The following SNTG1 variants were observed in gnomAD, a reference collection of about 807,000 sequenced individuals.
SNTG1 encodes syntrophin gamma 1, also known as gamma-1-syntrophin.
Under a neutral mutation model 74.7 loss-of-function variants are expected in SNTG1, and 39 were observed. The observed-to-expected ratio is 0.52, with a 90% CI of 0.40 to 0.68. The LOEUF is 0.68. Ranked by LOEUF, SNTG1 falls within the 30% of genes least tolerant of loss-of-function variation. SNTG1 has a pLI of 0.00. For synonymous variants in SNTG1, 254 were observed against 217.1 expected (o/e 1.17, Z -1.49); for missense variants, 685 against 609.5 (o/e 1.12, Z -1.30).
intron 1 of SNTG1, among the ~76,000 whole-genome samples, chr8:49,956,849 G>A (rs961453857): frequency 7.2e-5 from 11 of 152,108 alleles, no homozygotes; most frequent in African/African-American, 2.7e-4. Flanking sequence ...GGGTAATTCA[G>A]TCTCTCTCTT....
intron 4 of SNTG1, among the ~76,000 whole-genome samples, chr8:50,424,042 C>G (rs1404835681): frequency 6.6e-6 from 1 of 152,062 alleles, no homozygotes; most frequent in Non-Finnish European, 1.5e-5. Context: ...TTGTCATAGA[C>G]CAAAGACCCT....
chr8:50,368,606 G>T (rs571705984), intron 2 of SNTG1, among the ~76,000 whole-genome samples: 2 of 152,110 alleles, frequency 1.3e-5, no homozygotes, highest in Non-Finnish European at 2.9e-5. Flanking sequence ...GATCCGGCCC[G>T]TTTGAACTGA....
rs1563942141 is a variant in SNTG1 at position 50,361,684 on chromosome 8, G to A, written c.-27-32528G>A. Among the ~76,000 whole-genome samples the A allele has an allele frequency of 3.3e-5, 5 of 151,900 alleles. No homozygotes were observed. In the South Asian group the frequency reaches 1.0e-3, roughly 31 times the overall value. On this transcript the variant is annotated intron_variant, in intron 2 of 18. Transcript: ENST00000642720. Reference sequence around the variant, plus strand: ...GAATTTTTTTTGGGGGAGGTCACTGGGCAATAGAAATTTTTCAGTTCCTTT... The same window carrying A: ...GAATTTTTTTTGGGGGAGGTCACTGAGCAATAGAAATTTTTCAGTTCCTTT...
chr8:50,198,941 G>C (rs1420826456), intron 2 of SNTG1, among the ~76,000 whole-genome samples: 1 of 152,226 alleles, frequency 6.6e-6, no homozygotes, highest in Non-Finnish European at 1.5e-5. Context: ...TGGTCACACT[G>C]TTTTTATTTT....
intron 1 of SNTG1, among the ~76,000 whole-genome samples, chr8:49,990,561 A>G (rs997847248): frequency 6.6e-6 from 1 of 152,128 alleles, no homozygotes; most frequent in Non-Finnish European, 1.5e-5. Context: ...TACATAATGT[A>G]TTACAAAACT....
intron 1 of SNTG1, among the ~76,000 whole-genome samples, chr8:49,992,662 CA>C (rs1415852672): frequency 3.3e-5 from 5 of 152,158 alleles, no homozygotes; most frequent in African/African-American, 1.2e-4. Context: ...TAGTGCCTAC[CA>C]TCAGCAGAAA....
chr8:50,558,718 A>G (rs2094470631), intron 12 of SNTG1, among the ~76,000 whole-genome samples: 1 of 152,034 alleles, frequency 6.6e-6, no homozygotes, highest in Non-Finnish European at 1.5e-5. Flanking sequence ...AAACAACTAC[A>G]TGATATTTGT....
intron 2 of SNTG1, among the ~76,000 whole-genome samples, chr8:50,212,953 G>A (rs368246669): frequency 2.6e-4 from 40 of 152,278 alleles, no homozygotes; most frequent in African/African-American, 8.2e-4. Flanking sequence ...CTGCCTATGC[G>A]ATGGCAAACA....
chr8:50,146,005 A>T (rs1464879122), intron 1 of SNTG1, among the ~76,000 whole-genome samples: 2 of 151,932 alleles, frequency 1.3e-5, no homozygotes, highest in East Asian at 3.9e-4. Flanking sequence ...GGAAACTTGT[A>T]GAAATATAGC....
At chr8:49,995,203 G>A (rs1167558834) in intron 1 of SNTG1, among the ~76,000 whole-genome samples, 2 of 152,084 alleles carry the variant, frequency 1.3e-5, no homozygotes, top group African/African-American at 4.8e-5. Flanking sequence ...CATTAAGATT[G>A]GCAAGGCCAC....
At chr8:50,211,273 GA>G (rs1056140521) in intron 2 of SNTG1, among the ~76,000 whole-genome samples, 2 of 152,060 alleles carry the variant, frequency 1.3e-5, no homozygotes, top group Non-Finnish European at 2.9e-5. Flanking sequence ...TTAACTTAAT[GA>G]AAATTATTTT....
intron 1 of SNTG1, among the ~76,000 whole-genome samples, chr8:49,952,136 T>C (rs1001712955): frequency 6.6e-6 from 1 of 152,160 alleles, no homozygotes; most frequent in Admixed American, 6.6e-5. Context: ...GCTTTTATTG[T>C]TTACTGCTTT....
At chr8:50,532,372 A>G (rs775357072) in intron 10 of SNTG1, among the ~76,000 whole-genome samples, 3 of 152,214 alleles carry the variant, frequency 2.0e-5, no homozygotes, top group Non-Finnish European at 4.4e-5. Flanking sequence ...GTTAATTATG[A>G]TTTTAACACA....
chr8:50,444,849 T>G (rs1051825268), intron 5 of SNTG1, among the ~76,000 whole-genome samples: 2 of 152,170 alleles, frequency 1.3e-5, no homozygotes, highest in Non-Finnish European at 2.9e-5. Flanking sequence ...CACTGGTCAA[T>G]TATCATTTCA....
intron 18 of SNTG1, among the ~76,000 whole-genome samples, chr8:50,791,577 A>G (rs1397566771): frequency 6.6e-6 from 1 of 151,894 alleles, no homozygotes; most frequent in Non-Finnish European, 1.5e-5. Context: ...AATGTGTCAT[A>G]AAGTATTGAA....
At position 50,553,107 on chromosome 8, in the gene SNTG1, C is replaced by T. The variant is rs371108534; in HGVS notation, c.738C>T (p.Cys246=). ...VDGVCTGIIQ[C]LSAEDCVDWL... is the part of the protein sequence containing the mutation. The stretch of plus-strand genomic sequence containing the variant: ...GGGTCTGCACTGGGATTATTCAGTG[C>T]CTCTCTGCTGAAGACTGCGTTGACT... Residue 246 remains cysteine, a synonymous_variant, in exon 12 of 19, where the codon TGC becomes TGT. Coordinates refer to ENST00000642720, the MANE Select transcript of SNTG1 (RefSeq NM_018967.5). The T allele has an allele frequency of 3.7e-6, 6 of 1,613,790 alleles. No homozygotes were observed. The African/African-American group carries it at 6.7e-5, about 18-fold the overall frequency.
chr8:50,052,652 T>G (rs1819675678), intron 1 of SNTG1, among the ~76,000 whole-genome samples: 1 of 152,150 alleles, frequency 6.6e-6, no homozygotes, highest in Non-Finnish European at 1.5e-5. Context: ...TTAGATAAAC[T>G]ATTTGTCAAT....
chr8:50,671,413 T>C (rs62516846), intron 15 of SNTG1, among the ~76,000 whole-genome samples: 51,369 of 151,350 alleles, frequency 0.34, 11,034 homozygotes, highest in African/African-American at 0.61. Flanking sequence ...CAAAAGAAGA[T>C]ATTTATGCAG....
intron 1 of SNTG1, among the ~76,000 whole-genome samples, chr8:50,081,999 A>G (rs1822457443): frequency 6.6e-6 from 1 of 152,138 alleles, no homozygotes; most frequent in African/African-American, 2.4e-5. Flanking sequence ...TTATATCATC[A>G]AGTTCATTGA....
Sources: allele counts gnomAD v4.1 joint callset (sites outside exome capture counted in the v4.1 genomes callset), GRCh38; gene constraint gnomAD v4.1.1; transcripts MANE v1.5; gene names NCBI Gene and HGNC (gene_info 2026-07-23, HGNC 2026-07-21).